VPS41: variants seen among roughly 807,000 people sequenced by gnomAD.
VPS41 encodes the protein VPS41 subunit of HOPS complex, also known as vacuolar protein sorting-associated protein 41 homolog.
In VPS41, 85 loss-of-function variants were observed where a neutral mutation model predicts 130.9. That is an observed-to-expected ratio of 0.65 (90% confidence interval 0.55 to 0.78). VPS41 has a LOEUF of 0.78. Among genes scored for constraint, VPS41 ranks in the 30% least tolerant of loss-of-function variants. VPS41 has a pLI of 0.00. For missense variants in VPS41, 874 were observed against 1,018.7 expected (o/e 0.86, Z 1.93); for synonymous variants, 335 against 332.9 (o/e 1.01, Z -0.07).
Position 38,767,530 on chromosome 7 carries a change from T to C in VPS41, c.1247+7A>G, listed in dbSNP as rs1218680116. On this transcript the variant is annotated splice_region_variant and intron_variant, in intron 15 of 28. Transcript: ENST00000310301. ...TTAACAAATAATTGTGAAAATGTCA[T>C]CATTACCGTGCTGCTATGTCATAGT... 4 of 1,584,302 alleles carry C rather than the reference T, an allele frequency of 2.5e-6. No homozygotes were observed. Among genetic ancestry groups the C allele is most frequent in the Non-Finnish European group, 2.6e-6 (3 of 1,160,170 alleles).
chr7:38,752,053 C>G (rs1783684476), intron 22 of VPS41, 123 bp downstream of exon 22: 8 of 1,388,068 alleles, frequency 5.8e-6, no homozygotes, highest in Non-Finnish European at 7.9e-6. Context: ...TCTTTGAGAG[C>G]AACAGTCTTC....
Position 38,898,104 on chromosome 7 carries a change from G to A in VPS41, c.47C>T (p.Thr16Ile). 6.2e-7 allele frequency: 1 copy of A among 1,613,692 alleles called. No homozygotes were observed. The highest frequency in any genetic ancestry group is 1.3e-5 in the African/African-American group (1 of 75,002). ...EQETGSLEES[T>I]DESEEEESEE... ...TCACCACCTTACCTCAGACTCATCT[G>A]TAGATTCTTCAAGGGACCCAGTTTC... The change falls in exon 2 of 29, where the codon ACA (threonine) becomes ATA (isoleucine). Residue 16 changes from threonine to isoleucine, a missense_variant. By Grantham distance (89) the Thr-to-Ile change is moderately conservative (BLOSUM62 -1). Coordinates refer to ENST00000310301, the MANE Select transcript of VPS41 (RefSeq NM_014396.4).
In VPS41 at chr7:38,754,714, C is replaced by T; in HGVS notation, c.1776G>A (p.Glu592=). 6.2e-7 allele frequency: 1 copy of T among 1,613,540 alleles called. No individual in the cohort carries two copies. The highest frequency in any genetic ancestry group is 8.5e-7 in the Non-Finnish European group (1 of 1,179,666). The change falls in exon 21 of 29, where the codon GAG becomes GAA. Residue 592 remains glutamate (E), a synonymous_variant. Coordinates refer to ENST00000310301, the MANE Select transcript of VPS41 (RefSeq NM_014396.4). The part of the protein sequence containing the change: ...KVVEELEDRP[E]LQHVYLHKLF... ...CTGCCATGCTCACCACATGCTGTAG[C>T]TCTGGTCTGTCTTCCAATTCTTCCA...
At chr7:38,739,274 T>C (rs1795834591) in intron 25 of VPS41, among the ~76,000 whole-genome samples, 1 of 152,186 alleles carries the variant, frequency 6.6e-6, no homozygotes, top group Admixed American at 6.5e-5. Context: ...CACTTCCAGA[T>C]TCCTGGAAAT....
chr7:38,760,490 C>A (rs1306252586), intron 17 of VPS41, among the ~76,000 whole-genome samples: 1 of 152,118 alleles, frequency 6.6e-6, no homozygotes, highest in African/African-American at 2.4e-5. Flanking sequence ...ACATGTAAAA[C>A]GTAGATTTCC....
At chr7:38,767,483 G>C (rs537382342) in intron 15 of VPS41, 54 bp downstream of exon 15, 1 of 1,254,844 alleles carries the variant, frequency 8.0e-7, no homozygotes, top group South Asian at 1.4e-5. Flanking sequence ...TTTACTGTTA[G>C]CAATGCTCAA....
In VPS41 at chr7:38,777,711, C is replaced by G. The variant is rs1155513; in HGVS notation, c.785-935G>C. 5.3e-5 allele frequency among the ~76,000 whole-genome samples: 8 copies of G among 152,062 alleles called. No individual in the cohort carries two copies. The South Asian group carries it at 1.0e-3, about 20-fold the overall frequency. On this transcript the variant is annotated intron_variant, in intron 10 of 28. Coordinates refer to ENST00000310301, the MANE Select transcript of VPS41 (RefSeq NM_014396.4). ...AGTTTCTTCATTCAGATCATCTCCA[C>G]GGTTCTGTGGTATTAGCTGCAGATT...
chr7:38,867,711 A>C (rs1299223303), intron 3 of VPS41, among the ~76,000 whole-genome samples: 3 of 152,156 alleles, frequency 2.0e-5, no homozygotes, highest in Non-Finnish European at 4.4e-5. Context: ...GGTTCAGAAG[A>C]GGGCCTGAGG....
chr7:38,862,485 T>C, intron 4 of VPS41, 60 bp downstream of exon 4: 2 of 1,114,802 alleles, frequency 1.8e-6, no homozygotes, highest in Non-Finnish European at 2.6e-6. Flanking sequence ...ACCAATATTC[T>C]AAAACACAAA....
chr7:38,814,808 C>CT (rs1459769644), intron 7 of VPS41, among the ~76,000 whole-genome samples: 1 of 152,140 alleles, frequency 6.6e-6, no homozygotes, highest in African/African-American at 2.4e-5. Flanking sequence ...TGTAAAATCT[C>CT]TAACTCTTGA....
intron 7 of VPS41, among the ~76,000 whole-genome samples, chr7:38,800,181 A>G (rs1784698383): frequency 6.6e-6 from 1 of 152,240 alleles, no homozygotes; most frequent in Non-Finnish European, 1.5e-5. Flanking sequence ...GATGGAGCAC[A>G]CACAATGAGT....
At chr7:38,817,478 C>A (rs1785076449) in intron 7 of VPS41, among the ~76,000 whole-genome samples, 2 of 152,104 alleles carry the variant, frequency 1.3e-5, no homozygotes, top group Admixed American at 6.5e-5. Context: ...ATTAGCCAGG[C>A]ACGATAGTGG....
At chr7:38,908,103 T>C (rs1351546103) in intron 1 of VPS41, among the ~76,000 whole-genome samples, 1 of 152,138 alleles carries the variant, frequency 6.6e-6, no homozygotes, top group Non-Finnish European at 1.5e-5. Flanking sequence ...ACAAATGAAG[T>C]ATGTTGAAAA....
chr7:38,787,407 C>T (rs563303941), intron 10 of VPS41, among the ~76,000 whole-genome samples: 14 of 152,092 alleles, frequency 9.2e-5, no homozygotes, highest in Non-Finnish European at 2.1e-4. Context: ...ATGCTAGGCA[C>T]AAACCATAAT....
intron 8 of VPS41, among the ~76,000 whole-genome samples, 155 bp from the exon 9 acceptor site, chr7:38,795,766 A>G (rs892057324): frequency 3.9e-5 from 6 of 152,146 alleles, no homozygotes; most frequent in Admixed American, 3.3e-4. Context: ...CTCCACACAA[A>G]CCCTGTGGGA....
At chr7:38,867,275 G>A (rs1377064922) in intron 3 of VPS41, among the ~76,000 whole-genome samples, 2 of 152,164 alleles carry the variant, frequency 1.3e-5, no homozygotes, top group Non-Finnish European at 2.9e-5. Flanking sequence ...GCCAGGTGTG[G>A]TGGCTCACGC....
At chr7:38,894,616 A>G (rs1339581028) in intron 2 of VPS41, among the ~76,000 whole-genome samples, 3 of 152,152 alleles carry the variant, frequency 2.0e-5, no homozygotes, top group African/African-American at 7.2e-5. Context: ...ATGAACATTA[A>G]TCGTATCTAT....
At chr7:38,835,577 T>C (rs1166001728) in intron 4 of VPS41, among the ~76,000 whole-genome samples, 2 of 151,986 alleles carry the variant, frequency 1.3e-5, no homozygotes, top group Non-Finnish European at 2.9e-5. Context: ...GTATAATATC[T>C]ATTTTTAGAA....
chr7:38,802,879 T>TACA, intron 7 of VPS41, among the ~76,000 whole-genome samples: 1 of 152,228 alleles, frequency 6.6e-6, no homozygotes, highest in South Asian at 2.1e-4. Context: ...TACCCTGTAA[T>TACA]ATTGAATTGT....
Sources: allele counts gnomAD v4.1 joint callset (sites outside exome capture counted in the v4.1 genomes callset), GRCh38; gene constraint gnomAD v4.1.1; transcripts MANE v1.5; gene names NCBI Gene and HGNC (gene_info 2026-07-23, HGNC 2026-07-21).